Variants in MPHOSPH9 observed in about 807,000 individuals in gnomAD.
MPHOSPH9 encodes the protein M-phase phosphoprotein 9.
Under a neutral mutation model 145.5 loss-of-function variants are expected in MPHOSPH9, and 88 were observed. That is an observed-to-expected ratio of 0.60 (90% CI 0.51 to 0.72). The LOEUF is 0.72. MPHOSPH9 is among the 30% of genes least tolerant of loss of function. The probability of loss-of-function intolerance (pLI) is 0.00; values close to 1 mark genes in which losing one functional copy is unlikely to be tolerated. For missense variants in MPHOSPH9, 1,238 were observed against 1,386.6 expected (o/e 0.89, Z 1.70); for synonymous variants, 435 against 486.2 (o/e 0.89, Z 1.39).
intron 1 of MPHOSPH9, 197 bp downstream of exon 1, chr12:123,232,878 G>A (rs932111316): frequency 7.9e-5 from 12 of 152,204 alleles, no homozygotes; most frequent in African/African-American, 2.2e-4. Flanking sequence ...CAAGGGCGCC[G>A]AGTCTAGAAA....
rs767842035 is a variant in MPHOSPH9 at position 123,210,096 on chromosome 12, G to A, written c.1154C>T (p.Thr385Met). 25 of 1,611,512 alleles carry A rather than the reference G, an allele frequency of 1.6e-5. No homozygotes were observed. Among genetic ancestry groups the A allele is most frequent in the South Asian group, 3.3e-5 (3 of 90,612 alleles). ...HHSLPETLEK[T>M]FISLSSTDVS... ...ATCTGTGGAAGACAATGATATGAAC[G>A]TCTTCTCTAAAGTTTCAGGCAAAGA... The change falls in exon 8 of 24, where the codon ACG becomes ATG. Residue 385 changes from threonine (T) to methionine (M), a missense_variant. Coordinates refer to ENST00000606320, the MANE Select transcript of MPHOSPH9 (RefSeq NM_022782.4).
chr12:123,179,347 G>T (rs2045018052), intron 15 of MPHOSPH9, among the ~76,000 whole-genome samples: 3 of 152,116 alleles, frequency 2.0e-5, no homozygotes, highest in Admixed American at 2.0e-4. Context: ...GCCGAGGCAG[G>T]CGGATCACTT....
At chr12:123,179,446 A>G (rs1327584698) in intron 15 of MPHOSPH9, among the ~76,000 whole-genome samples, 4 of 151,906 alleles carry the variant, frequency 2.6e-5, no homozygotes, top group Admixed American at 6.6e-5. Flanking sequence ...GTGGTGGTAC[A>G]CTCCTGTAGT....
At chr12:123,217,245 C>T (rs1165643658) in intron 6 of MPHOSPH9, among the ~76,000 whole-genome samples, 2 of 151,594 alleles carry the variant, frequency 1.3e-5, no homozygotes, top group African/African-American at 2.4e-5. Flanking sequence ...TTTGCCAGGC[C>T]GGAGTGCAAT....
At chr12:123,160,920 G>C (rs1285495867) in intron 22 of MPHOSPH9, 71 bp from the exon 23 acceptor site, 1 of 1,522,782 alleles carries the variant, frequency 6.6e-7, no homozygotes, top group African/African-American at 1.4e-5. Context: ...GGAAAGAAAA[G>C]GTTTTGGCTT....
intron 1 of MPHOSPH9, among the ~76,000 whole-genome samples, chr12:123,231,785 G>GT (rs1207583443): frequency 6.6e-6 from 1 of 151,794 alleles, no homozygotes; most frequent in East Asian, 1.9e-4. Flanking sequence ...CAAATTGGCT[G>GT]TAACAGGTCA....
intron 12 of MPHOSPH9, 78 bp from the exon 13 acceptor site, chr12:123,194,679 T>C (rs1188841881): frequency 9.4e-7 from 1 of 1,068,940 alleles, no homozygotes; most frequent in Non-Finnish European, 1.3e-6. Flanking sequence ...TGGAGTACAA[T>C]GGCGCAATCT....
At chr12:123,169,872 G>A (rs1162144797) in intron 16 of MPHOSPH9, among the ~76,000 whole-genome samples, 1 of 151,954 alleles carries the variant, frequency 6.6e-6, no homozygotes, top group African/African-American at 2.4e-5. Context: ...TTACAGGTGT[G>A]AGCCACGTGC....
intron 7 of MPHOSPH9, among the ~76,000 whole-genome samples, chr12:123,212,711 C>CA (rs542748087): frequency 0.026 from 1,184 of 46,416 alleles, 33 homozygotes; most frequent in African/African-American, 0.058. Flanking sequence ...AACTCTGTCT[C>CA]AAAAAAAAAA....
At chr12:123,221,320 A>G in intron 5 of MPHOSPH9, 52 bp downstream of exon 5, 1 of 1,365,010 alleles carries the variant, frequency 7.3e-7, no homozygotes, top group South Asian at 1.4e-5. Flanking sequence ...TAAAAGGAAC[A>G]CTAGATTCTA....
chr12:123,182,367 C>T (rs2045222008), intron 13 of MPHOSPH9, among the ~76,000 whole-genome samples: 1 of 150,956 alleles, frequency 6.6e-6, no homozygotes, highest in Non-Finnish European at 1.5e-5. Flanking sequence ...AATTCTCCCA[C>T]CTCAGCTTCC....
At chr12:123,199,577 G>A (rs923243394) in intron 11 of MPHOSPH9, among the ~76,000 whole-genome samples, 6 of 151,950 alleles carry the variant, frequency 3.9e-5, no homozygotes, top group African/African-American at 9.7e-5. Context: ...TCAGGAGATC[G>A]AGACCATCCT....
chr12:123,194,639 T>TG (rs11433659), intron 12 of MPHOSPH9, 38 bp from the exon 13 acceptor site: 2 of 1,426,680 alleles, frequency 1.4e-6, no homozygotes, highest in African/African-American at 2.9e-5. Context: ...TTTTTTTTTT[T>TG]GAGATGGAGT....
intron 15 of MPHOSPH9, 71 bp downstream of exon 15, chr12:123,179,855 C>T (rs751250386): frequency 1.9e-5 from 15 of 795,320 alleles, no homozygotes; most frequent in Non-Finnish European, 2.9e-5. Flanking sequence ...ACTTCCTTCT[C>T]ATCATGTTCA....
intron 3 of MPHOSPH9, among the ~76,000 whole-genome samples, chr12:123,225,827 G>A (rs755572372): frequency 6.6e-6 from 1 of 152,106 alleles, no homozygotes; most frequent in Non-Finnish European, 1.5e-5. Context: ...CCTGAGGTCA[G>A]GAGTTCGAGA....
chr12:123,152,386 C>A (rs1224361995), downstream of MPHOSPH9: 1 of 342,160 alleles, frequency 2.9e-6, no homozygotes, highest in Admixed American at 3.9e-5. Context: ...TCCCTGCTCC[C>A]GCGGAGCTTA....
At chr12:123,185,812 C>T (rs983988199) in intron 13 of MPHOSPH9, among the ~76,000 whole-genome samples, 2 of 152,040 alleles carry the variant, frequency 1.3e-5, no homozygotes, top group African/African-American at 2.4e-5. Context: ...AAGCAAAAAA[C>T]AATACATCTA....
intron 1 of MPHOSPH9, among the ~76,000 whole-genome samples, chr12:123,242,281 C>T (rs754173267): frequency 6.6e-5 from 10 of 152,140 alleles, no homozygotes; most frequent in Non-Finnish European, 1.5e-4. Flanking sequence ...AGCGCCAGCC[C>T]TACGCCGAAG....
rs759240736 is a variant in MPHOSPH9 at position 123,164,102 on chromosome 12, C to CA, written c.2768-13dup. On this transcript the variant is annotated splice_polypyrimidine_tract_variant and intron_variant, in intron 18 of 23. Coordinates refer to ENST00000606320, the MANE Select transcript of MPHOSPH9 (RefSeq NM_022782.4). ...TTGCCGAGGATTTACTACAGCAGAC[C>CA]AAAAAAAAGCAAAACAAAAAACAAA... 5 of 1,607,710 alleles carry CA rather than the reference C, an allele frequency of 3.1e-6. No homozygotes were observed. The highest frequency in any genetic ancestry group is 2.2e-5 in the East Asian group (1 of 44,792).
Sources: allele counts gnomAD v4.1 joint callset (sites outside exome capture counted in the v4.1 genomes callset), GRCh38; gene constraint gnomAD v4.1.1; transcripts MANE v1.5; gene names NCBI Gene and HGNC (gene_info 2026-07-23, HGNC 2026-07-21).